Variants in ALK observed in about 807,000 individuals in gnomAD.
ALK encodes the protein ALK tyrosine kinase receptor.
In ALK, 74 loss-of-function variants were observed where a neutral mutation model predicts 163.1. The observed-to-expected ratio is 0.45, with a 90% confidence interval of 0.38 to 0.55. The LOEUF (loss-of-function observed/expected upper bound fraction) is 0.55. Among genes scored for constraint, ALK ranks in the 20% least tolerant of loss-of-function variants. The probability of loss-of-function intolerance (pLI) is 0.00; values close to 1 mark genes in which losing one functional copy is unlikely to be tolerated. For missense variants in ALK, 2,063 were observed against 2,105.3 expected, an observed-to-expected ratio of 0.98 and a Z score of 0.39; for synonymous variants, 960 against 843.2, an observed-to-expected ratio of 1.14 and a Z score of -2.40.
chr2:29,377,969 A>G (rs1668798852), intron 5 of ALK, among the ~76,000 whole-genome samples: 1 of 152,206 alleles, frequency 6.6e-6, no homozygotes, highest in African/African-American at 2.4e-5. Context: ...CTTTTGAGAA[A>G]TCTGTTAGTG....
At chr2:29,618,464 C>T (rs1573503152) in intron 3 of ALK, among the ~76,000 whole-genome samples, 1 of 150,020 alleles carries the variant, frequency 6.7e-6, no homozygotes. Flanking sequence ...CTGTCATCTT[C>T]TTTCACCTCC....
At chr2:29,480,581 T>G (rs114868731) in intron 4 of ALK, among the ~76,000 whole-genome samples, 1,564 of 152,140 alleles carry the variant, frequency 0.01, 35 homozygotes, top group African/African-American at 0.034. Context: ...TATTGCCCCG[T>G]TGCCCCAGGG....
chr2:29,385,435 C>T (rs529380765), intron 4 of ALK, among the ~76,000 whole-genome samples: 1 of 148,104 alleles, frequency 6.8e-6, no homozygotes, highest in East Asian at 2.1e-4. Flanking sequence ...ATGGTCCAGA[C>T]TGGAGTGCAG....
intron 12 of ALK, among the ~76,000 whole-genome samples, chr2:29,245,022 C>T (rs963307822): frequency 1.3e-5 from 2 of 151,752 alleles, no homozygotes; most frequent in Admixed American, 6.6e-5. Context: ...GTGCCTGACA[C>T]GTGGTAGGAC....
At chr2:29,556,708 A>G (rs545108331) in intron 3 of ALK, among the ~76,000 whole-genome samples, 1 of 152,192 alleles carries the variant, frequency 6.6e-6, no homozygotes, top group Non-Finnish European at 1.5e-5. Context: ...TTAAATGTGG[A>G]AGTGACATTT....
intron 4 of ALK, among the ~76,000 whole-genome samples, chr2:29,514,847 C>T (rs1269207998): frequency 6.6e-6 from 1 of 152,210 alleles, no homozygotes; most frequent in Non-Finnish European, 1.5e-5. Flanking sequence ...GGACTACCCT[C>T]CCTTTCCTTG....
chr2:29,514,563 T>C (rs2148143764), intron 4 of ALK, among the ~76,000 whole-genome samples: 1 of 152,290 alleles, frequency 6.6e-6, no homozygotes, highest in South Asian at 2.1e-4. Flanking sequence ...TCCTCCAAAC[T>C]CCAGACCCTT....
chr2:29,847,274 G>T (rs1002602463), intron 1 of ALK, among the ~76,000 whole-genome samples: 6 of 152,160 alleles, frequency 3.9e-5, no homozygotes, highest in African/African-American at 1.4e-4. Context: ...AGGAAAGTCG[G>T]GGAATAGGGT....
chr2:29,560,602 T>A (rs1237936029), intron 3 of ALK, among the ~76,000 whole-genome samples: 1 of 152,070 alleles, frequency 6.6e-6, no homozygotes, highest in African/African-American at 2.4e-5. Context: ...GGCAGGATCT[T>A]GCTCTGTTGC....
At chr2:29,563,523 G>A (rs1304757916) in intron 3 of ALK, among the ~76,000 whole-genome samples, 2 of 152,230 alleles carry the variant, frequency 1.3e-5, no homozygotes, top group Non-Finnish European at 2.9e-5. Context: ...TCTGTAGACA[G>A]ACATGGCAGA....
intron 4 of ALK, among the ~76,000 whole-genome samples, chr2:29,525,601 C>A (rs1278230325): frequency 6.6e-6 from 1 of 151,806 alleles, no homozygotes; most frequent in Admixed American, 6.6e-5. Flanking sequence ...ACCAGCCTGG[C>A]CAAGATGGTA....
intron 6 of ALK, among the ~76,000 whole-genome samples, chr2:29,325,965 GCA>G (rs35430331): frequency 2.2e-3 from 341 of 152,242 alleles, no homozygotes; most frequent in Middle Eastern, 6.8e-3. Context: ...AAAGGATAGG[GCA>G]CACAAATAAG....
intron 4 of ALK, among the ~76,000 whole-genome samples, chr2:29,429,799 TAGG>T (rs1210458947): frequency 1.3e-5 from 2 of 152,014 alleles, no homozygotes; most frequent in Non-Finnish European, 2.9e-5. Context: ...AAGAACCAAG[TAGG>T]AGATTTTCTG....
chr2:29,595,725 A>C (rs1276562175), intron 3 of ALK, among the ~76,000 whole-genome samples: 1 of 152,226 alleles, frequency 6.6e-6, no homozygotes, highest in Non-Finnish European at 1.5e-5. Flanking sequence ...AGACGGAGAG[A>C]GAAAACAAAA....
chr2:29,356,191 A>G (rs756483050), intron 5 of ALK, among the ~76,000 whole-genome samples: 76 of 152,280 alleles, frequency 5.0e-4, no homozygotes, highest in Non-Finnish European at 9.7e-4. Flanking sequence ...ATAATAGCTG[A>G]CGTTTCCTGA....
At chr2:29,352,765 G>A (rs1668152420) in intron 5 of ALK, among the ~76,000 whole-genome samples, 1 of 152,220 alleles carries the variant, frequency 6.6e-6, no homozygotes, top group Non-Finnish European at 1.5e-5. Flanking sequence ...AAGAGGGTTT[G>A]TGGGAAGTGG....
intron 9 of ALK, among the ~76,000 whole-genome samples, chr2:29,280,688 T>G (rs970958655): frequency 6.6e-6 from 1 of 150,660 alleles, no homozygotes; most frequent in East Asian, 1.9e-4. Flanking sequence ...AGTTCTAGTA[T>G]GTACCAGGTG....
At chr2:29,472,593 A>G (rs192764810) in intron 4 of ALK, among the ~76,000 whole-genome samples, 1 of 152,364 alleles carries the variant, frequency 6.6e-6, no homozygotes, top group African/African-American at 2.4e-5. Flanking sequence ...CCAATACAAT[A>G]AGGCAAGAAA....
chr2:29,808,335 C>A (rs1664670944), intron 1 of ALK, among the ~76,000 whole-genome samples: 1 of 152,084 alleles, frequency 6.6e-6, no homozygotes, highest in Non-Finnish European at 1.5e-5. Flanking sequence ...TGAAAGGCAG[C>A]CTCGTCTGAA....
Sources: gnomAD v4.1 joint callset for allele counts (sites outside exome capture counted in the v4.1 genomes callset) on GRCh38, gnomAD v4.1.1 for gene constraint, MANE v1.5 for transcripts, NCBI Gene and HGNC (gene_info 2026-07-23, HGNC 2026-07-21) for gene names.